The following KCNK2 variants were observed in gnomAD, a reference collection of about 807,000 sequenced individuals.
The protein encoded by KCNK2 is potassium channel subfamily K member 2.
A neutral mutation model predicts 40.5 loss-of-function variants in KCNK2; 21 were observed. The observed-to-expected ratio is 0.52, with a 90% CI of 0.37 to 0.75. KCNK2 has a LOEUF of 0.75. Among genes scored for constraint, KCNK2 ranks in the 30% least tolerant of loss-of-function variants. The pLI is 0.00. For synonymous variants in KCNK2, 191 were observed against 202.2 expected (o/e 0.94, Z 0.47); for missense variants, 399 against 531.6 (o/e 0.75, Z 2.45).
intron 2 of KCNK2, among the ~76,000 whole-genome samples, chr1:215,123,403 A>T (rs938759580): frequency 1.4e-5 from 2 of 145,128 alleles, no homozygotes; most frequent in African/African-American, 2.5e-5. Flanking sequence ...GTATTTTCTT[A>T]TTTTTTTTTT....
At chr1:215,027,829 C>A (rs1367736193) in intron 1 of KCNK2, among the ~76,000 whole-genome samples, 1 of 152,046 alleles carries the variant, frequency 6.6e-6, no homozygotes, top group East Asian at 1.9e-4. Flanking sequence ...TCTAACTTGC[C>A]TTCCATTCAC....
intron 3 of KCNK2, among the ~76,000 whole-genome samples, chr1:215,151,245 A>G (rs1385022543): frequency 6.6e-6 from 1 of 152,134 alleles, no homozygotes; most frequent in East Asian, 1.9e-4. Context: ...ATTATTGAAC[A>G]AAACACAATA....
chr1:215,106,501 C>T (rs1304208563), intron 2 of KCNK2, among the ~76,000 whole-genome samples: 1 of 151,844 alleles, frequency 6.6e-6, no homozygotes, highest in Non-Finnish European at 1.5e-5. Flanking sequence ...TTGTTGGATG[C>T]ATGGTTTGAG....
At chr1:215,034,452 A>G (rs1657315622) in intron 1 of KCNK2, among the ~76,000 whole-genome samples, 1 of 151,964 alleles carries the variant, frequency 6.6e-6, no homozygotes, top group Non-Finnish European at 1.5e-5. Context: ...AGAATGGAGT[A>G]GTTGAATCCT....
intron 1 of KCNK2, among the ~76,000 whole-genome samples, chr1:215,011,897 T>A (rs1571845091): frequency 6.8e-6 from 1 of 146,518 alleles, no homozygotes; most frequent in East Asian, 2.0e-4. Flanking sequence ...TGAGTCACCG[T>A]GCCCGGCCTT....
At chr1:215,202,043 A>C (rs111593735) in intron 6 of KCNK2, among the ~76,000 whole-genome samples, 6,762 of 152,250 alleles carry the variant, frequency 0.044, 200 homozygotes, top group Middle Eastern at 0.085. Flanking sequence ...TCTTACTGAG[A>C]TATTCAAGTA....
intron 6 of KCNK2, among the ~76,000 whole-genome samples, chr1:215,229,051 T>C (rs115491033): frequency 0.022 from 3,324 of 152,168 alleles, 111 homozygotes; most frequent in African/African-American, 0.076. Flanking sequence ...CATTATGAGA[T>C]ATTTTGCAAT....
chr1:215,104,700 T>C (rs1440910743), intron 2 of KCNK2, among the ~76,000 whole-genome samples: 1 of 152,106 alleles, frequency 6.6e-6, no homozygotes, highest in Non-Finnish European at 1.5e-5. Flanking sequence ...CACAAATTAA[T>C]GGATCATAAA....
At chr1:215,181,576 T>G (rs879488988) in intron 5 of KCNK2, among the ~76,000 whole-genome samples, 10 of 152,310 alleles carry the variant, frequency 6.6e-5, no homozygotes, top group Non-Finnish European at 1.2e-4. Context: ...TTTTCTTTCC[T>G]CCTCTCCCCT....
At chr1:215,131,015 T>C (rs1170822728) in intron 3 of KCNK2, among the ~76,000 whole-genome samples, 2 of 151,204 alleles carry the variant, frequency 1.3e-5, no homozygotes, top group African/African-American at 2.4e-5. Flanking sequence ...CGCCCGCCAC[T>C]GCGCCCGGCT....
intron 1 of KCNK2, among the ~76,000 whole-genome samples, chr1:215,055,027 T>A (rs991754463): frequency 4.6e-5 from 7 of 152,218 alleles, no homozygotes; most frequent in Non-Finnish European, 8.8e-5. Context: ...ATCAGATGGA[T>A]TGCTTATTTA....
At chr1:215,102,605 T>C (rs943077229) in intron 2 of KCNK2, among the ~76,000 whole-genome samples, 1 of 152,046 alleles carries the variant, frequency 6.6e-6, no homozygotes, top group African/African-American at 2.4e-5. Flanking sequence ...TGTACAGTAA[T>C]GTCCTAGGCC....
chr1:215,122,588 A>G (rs1402980940), intron 2 of KCNK2, among the ~76,000 whole-genome samples: 1 of 152,122 alleles, frequency 6.6e-6, no homozygotes, highest in Non-Finnish European at 1.5e-5. Context: ...TATAAATGGA[A>G]CCATATTTTA....
chr1:215,083,632 C>T (rs1437888780), intron 1 of KCNK2: 7 of 607,048 alleles, frequency 1.2e-5, no homozygotes, highest in Admixed American at 2.8e-5. Flanking sequence ...CCCCCTCTCC[C>T]GCCGGTGCCC....
intron 3 of KCNK2, among the ~76,000 whole-genome samples, chr1:215,152,662 T>A (rs1170743957): frequency 2.0e-5 from 3 of 152,174 alleles, no homozygotes; most frequent in Non-Finnish European, 4.4e-5. Flanking sequence ...TCAATGAAAA[T>A]TTTTTAATTG....
chr1:215,110,875 T>C (rs1227028591), intron 2 of KCNK2, among the ~76,000 whole-genome samples: 1 of 152,132 alleles, frequency 6.6e-6, no homozygotes, highest in Non-Finnish European at 1.5e-5. Context: ...AACTAATTGC[T>C]AACATTAAGG....
At chr1:215,166,291 T>C (rs1663444340) in intron 3 of KCNK2, among the ~76,000 whole-genome samples, 1 of 152,120 alleles carries the variant, frequency 6.6e-6, no homozygotes, top group South Asian at 2.1e-4. Flanking sequence ...CCATGAACTC[T>C]TTTTGAGTTG....
intron 3 of KCNK2, among the ~76,000 whole-genome samples, chr1:215,153,804 G>A (rs1480915783): frequency 1.3e-5 from 2 of 151,758 alleles, no homozygotes; most frequent in African/African-American, 2.4e-5. Context: ...GTGTCCATGT[G>A]TTCTCACTGT....
chr1:215,126,817 T>A (rs775627685), intron 3 of KCNK2, among the ~76,000 whole-genome samples: 1 of 152,162 alleles, frequency 6.6e-6, no homozygotes, highest in Non-Finnish European at 1.5e-5. Context: ...TACTGTTCTA[T>A]CTCAGGCTTT....
Sources: gnomAD v4.1 joint callset for allele counts (sites outside exome capture counted in the v4.1 genomes callset) on GRCh38, gnomAD v4.1.1 for gene constraint, MANE v1.5 for transcripts, NCBI Gene and HGNC (gene_info 2026-07-23, HGNC 2026-07-21) for gene names.